GRM5: variants seen among roughly 807,000 people sequenced by gnomAD.
GRM5 encodes glutamate metabotropic receptor 5.
Under a neutral mutation model 83.1 loss-of-function variants are expected in GRM5, and 19 were observed. That is an observed-to-expected ratio of 0.23 (90% CI 0.16 to 0.34). The LOEUF (loss-of-function observed/expected upper bound fraction) is 0.34, where lower values mean the gene tolerates loss of function less well. Among genes scored for constraint, GRM5 ranks in the 10% least tolerant of loss-of-function variants. The probability of loss-of-function intolerance (pLI) is 1.00; values close to 1 mark genes in which losing one functional copy is unlikely to be tolerated. For missense variants in GRM5, 1,160 were observed against 1,588.3 expected (o/e 0.73, Z 4.58); for synonymous variants, 675 against 633.6 (o/e 1.07, Z -0.98).
intron 2 of GRM5, among the ~76,000 whole-genome samples, chr11:88,977,269 G>T (rs1939373184): frequency 6.6e-6 from 1 of 151,726 alleles, no homozygotes; most frequent in Non-Finnish European, 1.5e-5. Flanking sequence ...CTGGACTGCA[G>T]TGGCACGATC....
chr11:88,978,449 T>C (rs947129155), intron 2 of GRM5, among the ~76,000 whole-genome samples: 8 of 105,718 alleles, frequency 7.6e-5, no homozygotes, highest in African/African-American at 2.8e-4. Context: ...TCAAATACAG[T>C]AACATTAACA....
intron 2 of GRM5, among the ~76,000 whole-genome samples, chr11:89,026,705 T>C (rs1327657547): frequency 6.6e-6 from 1 of 152,238 alleles, no homozygotes; most frequent in Non-Finnish European, 1.5e-5. Flanking sequence ...TTATTTCTCA[T>C]ATTCTAAGCC....
chr11:88,986,747 T>G (rs1939728554), intron 2 of GRM5, among the ~76,000 whole-genome samples: 1 of 141,562 alleles, frequency 7.1e-6, no homozygotes, highest in Non-Finnish European at 1.5e-5. Flanking sequence ...TTTTTTTTTT[T>G]GCACTCTTGG....
rs757852274 is a variant in GRM5, at chr11:88,590,638, T to C, written c.1653A>G (p.Ala551=). 6.2e-7 allele frequency: 1 copy of C among 1,610,186 alleles called. No homozygotes were observed. The highest frequency in any genetic ancestry group is 8.5e-7 in the Non-Finnish European group (1 of 1,176,416). The change falls in exon 7 of 10, where the codon GCA becomes GCG. Residue 551 remains alanine, a synonymous_variant. Transcript: ENST00000305447. ...EYVFDEYTCK[A]CQLGSWPTDD... Reference sequence around the variant, plus strand: ...CAGTGGGCCAAGACCCCAGTTGGCATGCCTTGCATGTGTACTCATCAAAGA... The same window carrying C: ...CAGTGGGCCAAGACCCCAGTTGGCACGCCTTGCATGTGTACTCATCAAAGA...
At chr11:88,987,282 A>T (rs1362241263) in intron 2 of GRM5, among the ~76,000 whole-genome samples, 1 of 152,102 alleles carries the variant, frequency 6.6e-6, no homozygotes, top group East Asian at 1.9e-4. Flanking sequence ...ACTCCCACCC[A>T]AATACTGCGC....
intron 2 of GRM5, among the ~76,000 whole-genome samples, chr11:88,996,870 A>G (rs1405441921): frequency 1.3e-5 from 2 of 152,252 alleles, no homozygotes; most frequent in Non-Finnish European, 2.9e-5. Flanking sequence ...ACACATAAAT[A>G]TTAAACAATA....
intron 4 of GRM5, among the ~76,000 whole-genome samples, chr11:88,618,258 T>A (rs1454917925): frequency 2.6e-5 from 4 of 152,218 alleles, no homozygotes; most frequent in Admixed American, 6.5e-5. Context: ...CAAGATTGCA[T>A]AACATTATAT....
intron 4 of GRM5, among the ~76,000 whole-genome samples, chr11:88,649,717 C>T (rs1369516019): frequency 6.6e-6 from 1 of 151,086 alleles, no homozygotes; most frequent in Non-Finnish European, 1.5e-5. Flanking sequence ...GTGAAAATAT[C>T]TTTTAAAAAT....
intron 2 of GRM5, among the ~76,000 whole-genome samples, chr11:88,988,647 C>T (rs1282215149): frequency 6.6e-6 from 1 of 151,542 alleles, no homozygotes; most frequent in African/African-American, 2.4e-5. Context: ...GCCCATCAGA[C>T]TAACAGCGGA....
chr11:88,877,233 A>T (rs1210514912), intron 2 of GRM5, among the ~76,000 whole-genome samples: 3 of 152,134 alleles, frequency 2.0e-5, no homozygotes, highest in Non-Finnish European at 4.4e-5. Context: ...CAAGTATTTG[A>T]GGTGAATAAT....
At chr11:88,521,655 A>C (rs145067771) in intron 9 of GRM5, among the ~76,000 whole-genome samples, 207 of 152,238 alleles carry the variant, frequency 1.4e-3, no homozygotes, top group African/African-American at 4.9e-3. Context: ...AATCACACTT[A>C]GACTGTCCAC....
intron 2 of GRM5, among the ~76,000 whole-genome samples, chr11:88,950,478 C>T (rs1358126656): frequency 6.6e-6 from 1 of 151,208 alleles, no homozygotes; most frequent in Non-Finnish European, 1.5e-5. Flanking sequence ...CTCAGAAATA[C>T]CTTCTTAAAT....
rs140253106 is a variant in GRM5, at chr11:88,519,204, T to C, written c.2726+6105A>G. Among the ~76,000 whole-genome samples the C allele has an allele frequency of 5.9e-3, 896 of 151,540 alleles. 12 individuals carry two copies. The highest frequency in any genetic ancestry group is 0.02 in the African/African-American group (843 of 41,306). ...GGAGTTCCTTCTCCCTGGAAGAAGA[T>C]GGATAGAAAGAGAAATGAAGGATAA... On this transcript the variant is annotated intron_variant, in intron 9 of 9. Coordinates refer to ENST00000305447, the MANE Select transcript of GRM5 (RefSeq NM_001143831.3).
intron 2 of GRM5, among the ~76,000 whole-genome samples, chr11:88,913,072 T>C (rs1356568873): frequency 4.6e-5 from 7 of 152,226 alleles, no homozygotes; most frequent in African/African-American, 1.7e-4. Context: ...TAGCCAGTTA[T>C]GCATAATCCT....
chr11:89,040,532 A>G (rs1480184656), intron 2 of GRM5, among the ~76,000 whole-genome samples: 2 of 152,074 alleles, frequency 1.3e-5, no homozygotes. Flanking sequence ...TCATCTCTAC[A>G]AAAAATTAAA....
intron 3 of GRM5, among the ~76,000 whole-genome samples, chr11:88,696,955 A>T (rs1005389474): frequency 6.6e-6 from 1 of 152,132 alleles, no homozygotes; most frequent in Non-Finnish European, 1.5e-5. Flanking sequence ...TGTGTATGTG[A>T]TTTTCCTTTA....
rs1186153095 is a variant in GRM5, at chr11:88,506,211, G to A, written c.*2381C>T. On this transcript the variant is annotated 3_prime_UTR_variant, in exon 10 of 10. Coordinates refer to ENST00000305447, the MANE Select transcript of GRM5 (RefSeq NM_001143831.3). ...CTGATGAAGTTTTTTATAAGGTAGT[G>A]TGCTTTTTAAGAGATATGTTACTAA... The A allele has an allele frequency of 6.6e-6, 1 of 152,114 alleles. No individual in the cohort carries two copies. Among genetic ancestry groups the A allele is most frequent in the South Asian group, 2.1e-4 (1 of 4,826 alleles). 9.4% of individuals were successfully genotyped at this position (152,114 alleles called of 1,614,324 possible). A position where few individuals can be genotyped will look rare whatever the true frequency, so the allele number is the denominator to read the frequency against.
intron 8 of GRM5, among the ~76,000 whole-genome samples, chr11:88,526,682 C>A (rs1409867959): frequency 1.3e-5 from 2 of 152,136 alleles, no homozygotes; most frequent in Non-Finnish European, 2.9e-5. Flanking sequence ...TAAAATGCAA[C>A]AAAGTCAACA....
chr11:88,955,846 C>A (rs1166957529), intron 2 of GRM5, among the ~76,000 whole-genome samples: 4 of 152,316 alleles, frequency 2.6e-5, no homozygotes, highest in African/African-American at 9.6e-5. Context: ...TGATCTTGAT[C>A]TCACACTTTG....
Sources: gnomAD v4.1 joint callset for allele counts (sites outside exome capture counted in the v4.1 genomes callset) on GRCh38, gnomAD v4.1.1 for gene constraint, MANE v1.5 for transcripts, NCBI Gene and HGNC (gene_info 2026-07-23, HGNC 2026-07-21) for gene names.